Variants in CCDC73 observed in about 807,000 individuals in gnomAD.
CCDC73 encodes the protein coiled-coil domain-containing protein 73.
A neutral mutation model predicts 116.5 loss-of-function variants in CCDC73; 95 were observed. The ratio of observed to expected loss-of-function variants is 0.82; its 90% confidence interval spans 0.69 to 0.97. The LOEUF (loss-of-function observed/expected upper bound fraction) is 0.97, where lower values mean the gene tolerates loss of function less well. CCDC73 is among the 50% of genes least tolerant of loss of function. CCDC73 has a pLI of 0.00. For synonymous variants in CCDC73, 398 were observed against 401.3 expected, an observed-to-expected ratio of 0.99 and a Z score of 0.10; for missense variants, 1,066 against 1,206.8, an observed-to-expected ratio of 0.88 and a Z score of 1.73.
chr11:32,732,571 TG>T (rs1720959426), intron 2 of CCDC73, among the ~76,000 whole-genome samples: 1 of 152,128 alleles, frequency 6.6e-6, no homozygotes. Flanking sequence ...GCGGATCTCT[TG>T]GCAAAAACTC....
At chr11:32,815,839 T>C in the CCDC73 span, among the ~76,000 whole-genome samples, 62 of 152,318 alleles carry the variant, frequency 4.1e-4, 2 homozygotes, top group South Asian at 0.012. Context: ...CTTACACACC[T>C]GCAGTTTCCT....
chr11:32,660,752 T>A (rs1855915862), intron 9 of CCDC73, among the ~76,000 whole-genome samples: 1 of 152,100 alleles, frequency 6.6e-6, no homozygotes, highest in South Asian at 2.1e-4. Flanking sequence ...AGCCCAGGTG[T>A]TCACCAGCAC....
chr11:32,606,486 G>T (rs1346931130), intron 17 of CCDC73, among the ~76,000 whole-genome samples: 6 of 152,160 alleles, frequency 3.9e-5, no homozygotes, highest in African/African-American at 1.2e-4. Flanking sequence ...TACATAATTT[G>T]CAATCAAGCT....
rs202217143 is a variant in CCDC73, at chr11:32,613,724, T to G, written c.2594A>C (p.Glu865Ala). The change falls in exon 16 of 18, where the codon GAA becomes GCA. Residue 865 changes from glutamate (E) to alanine (A), a missense_variant. Transcript: ENST00000335185. Reference sequence around the variant, plus strand: ...TGGCTCTATGTGAAATGAATGTGATTCCTCCAGCTGTCCTTCACTGAACAT... The same window carrying G: ...TGGCTCTATGTGAAATGAATGTGATGCCTCCAGCTGTCCTTCACTGAACAT... ...GKMFSEGQLEESHSFHIEPSG... is the reference protein window; with the variant it reads ...GKMFSEGQLEASHSFHIEPSG... 7.9e-5 allele frequency: 127 copies of G among 1,614,006 alleles called. No individual in the cohort carries two copies. In the African/African-American group the frequency reaches 1.4e-3, roughly 18 times the overall value.
At chr11:32,649,182 CCT>C (rs961024418) in intron 12 of CCDC73, among the ~76,000 whole-genome samples, 9 of 151,982 alleles carry the variant, frequency 5.9e-5, no homozygotes, top group Non-Finnish European at 8.8e-5. Flanking sequence ...AATCCAAATG[CCT>C]CTCTCTTTTG....
intron 9 of CCDC73, among the ~76,000 whole-genome samples, chr11:32,663,402 C>T (rs963798429): frequency 6.6e-6 from 1 of 152,132 alleles, no homozygotes; most frequent in African/African-American, 2.4e-5. Flanking sequence ...CTTCACATCC[C>T]TTGTAAGTTG....
intron 6 of CCDC73, among the ~76,000 whole-genome samples, chr11:32,689,944 A>C (rs1367185289): frequency 6.6e-6 from 1 of 152,238 alleles, no homozygotes; most frequent in South Asian, 2.1e-4. Context: ...GCAGTGAACC[A>C]AGATCGCGCC....
chr11:32,661,809 T>A (rs1855930226), intron 9 of CCDC73, among the ~76,000 whole-genome samples: 1 of 151,908 alleles, frequency 6.6e-6, no homozygotes, highest in African/African-American at 2.4e-5. Flanking sequence ...GCATTAGATA[T>A]ATCTCCTAAT....
chr11:32,614,036 T>C lies in CCDC73; in HGVS notation c.2282A>G (p.Asn761Ser). The change falls in exon 16 of 18, where the codon AAT (asparagine) becomes AGT (serine). Residue 761 changes from asparagine to serine, a missense_variant. Physicochemically the swap from Asn to Ser is conservative, Grantham distance 46 (BLOSUM62 1). Coordinates refer to ENST00000335185, the MANE Select transcript of CCDC73 (RefSeq NM_001008391.4). Reference sequence around the variant, plus strand: ...GTTTTCTAAGTATCCCAAACAGTTATTAAATTGACTGTTTTGCATATCACT... The same window carrying C: ...GTTTTCTAAGTATCCCAAACAGTTACTAAATTGACTGTTTTGCATATCACT... The part of the protein sequence containing the change: ...NMSDMQNSQF[N>S]NCLGYLENTN... The C allele has an allele frequency of 1.9e-6, 3 of 1,612,232 alleles. No homozygotes were observed. Among genetic ancestry groups the C allele is most frequent in the Non-Finnish European group, 2.5e-6 (3 of 1,179,616 alleles).
At chr11:32,798,127 G>A (rs2133414287), upstream of CCDC73, among the ~76,000 whole-genome samples, 1 of 152,336 alleles carries the variant, frequency 6.6e-6, no homozygotes, top group South Asian at 2.1e-4. Flanking sequence ...TGTTGTGTAT[G>A]TGCAAATATT....
intron 3 of CCDC73, among the ~76,000 whole-genome samples, chr11:32,717,275 G>T (rs1211372184): frequency 6.6e-6 from 1 of 152,190 alleles, no homozygotes; most frequent in Non-Finnish European, 1.5e-5. Context: ...AACAGCATGA[G>T]AAGCACTATC....
chr11:32,631,630 G>A lies in CCDC73; in HGVS notation c.1185+4066C>T, dbSNP rs181950558. 4.8e-3 allele frequency among the ~76,000 whole-genome samples: 728 copies of A among 150,310 alleles called. 10 individuals carry two copies. The highest frequency in any genetic ancestry group is 0.017 in the African/African-American group (681 of 40,408). ...AGGAAGGGAAGGGAAGGGAAGGGAC[G>A]GGAAAGGAAAGGAAAGGAAAGGAAG... On this transcript the variant is annotated intron_variant, in intron 14 of 17. Coordinates refer to ENST00000335185, the MANE Select transcript of CCDC73 (RefSeq NM_001008391.4).
intron 2 of CCDC73, among the ~76,000 whole-genome samples, chr11:32,745,750 T>TG (rs1311989694): frequency 1.4e-5 from 2 of 147,342 alleles, no homozygotes; most frequent in Non-Finnish European, 3.0e-5. Context: ...TTTTGGTTTT[T>TG]TTTTTTTTTT....
chr11:32,650,399 G>A (rs779180419), intron 12 of CCDC73, among the ~76,000 whole-genome samples: 6 of 152,066 alleles, frequency 3.9e-5, no homozygotes, highest in Non-Finnish European at 7.4e-5. Context: ...CTTTAATATT[G>A]TGTTTGGCCT....
chr11:32,664,278 C>T (rs144348063), intron 9 of CCDC73, among the ~76,000 whole-genome samples: 12,872 of 152,026 alleles, frequency 0.085, 629 homozygotes, highest in South Asian at 0.12. Context: ...CTTGTACCTC[C>T]GGTAGAATTT....
At chr11:32,625,299 T>C (rs1319481705) in intron 14 of CCDC73, among the ~76,000 whole-genome samples, 3 of 152,244 alleles carry the variant, frequency 2.0e-5, no homozygotes, top group Non-Finnish European at 4.4e-5. Context: ...AATATTGTCA[T>C]GTGTGAAGTT....
At chr11:32,796,447 A>T (rs185869765), upstream of CCDC73, among the ~76,000 whole-genome samples, 1 of 152,344 alleles carries the variant, frequency 6.6e-6, no homozygotes, top group African/African-American at 2.4e-5. Flanking sequence ...ACATCATCTC[A>T]TCTTAGTCTC....
At chr11:32,638,212 A>G (rs185322818) in intron 13 of CCDC73, among the ~76,000 whole-genome samples, 122 of 152,308 alleles carry the variant, frequency 8.0e-4, no homozygotes, top group Middle Eastern at 6.8e-3. Context: ...CATTCTTCTT[A>G]TTGATTTCTT....
chr11:32,710,886 TA>T (rs1849894774), intron 3 of CCDC73, among the ~76,000 whole-genome samples: 1 of 152,056 alleles, frequency 6.6e-6, no homozygotes, highest in African/African-American at 2.4e-5. Context: ...TTAATTAAAC[TA>T]AAAAGATTCT....
Sources: allele counts gnomAD v4.1 joint callset (sites outside exome capture counted in the v4.1 genomes callset), GRCh38; gene constraint gnomAD v4.1.1; transcripts MANE v1.5; gene names NCBI Gene and HGNC (gene_info 2026-07-23, HGNC 2026-07-21).